Variants in STX7 observed in about 807,000 individuals in gnomAD.
The protein encoded by STX7 is syntaxin 7, also known as syntaxin-7.
Under a neutral mutation model 39.6 loss-of-function variants are expected in STX7, and 34 were observed. That is an observed-to-expected ratio of 0.86 (90% CI 0.65 to 1.14). STX7 has a LOEUF of 1.14. STX7 is among the 50% of genes most tolerant of loss of function. STX7 has a pLI of 0.00. For missense variants in STX7, 284 were observed against 310.4 expected, an observed-to-expected ratio of 0.92 and a Z score of 0.64; for synonymous variants, 119 against 99.1, an observed-to-expected ratio of 1.20 and a Z score of -1.19.
At chr6:132,484,619 C>T (rs769610373) in intron 2 of STX7, among the ~76,000 whole-genome samples, 22 of 151,966 alleles carry the variant, frequency 1.4e-4, no homozygotes, top group African/African-American at 3.4e-4. Context: ...CTGTTTTCAA[C>T]GTAAAATAAC....
rs9389000 is a variant in STX7, at chr6:132,477,328, T to C, written c.86-1666A>G. ...GGCTTTATTTTCTTAAGCGTATTGA[T>C]AATACAAACTGTAGTATGGGCATCG... On this transcript the variant is annotated intron_variant, in intron 2 of 9. Transcript: ENST00000367941. Among the ~76,000 whole-genome samples the C allele has an allele frequency of 7.3e-4, 111 of 152,220 alleles. 1 individual carries two copies. The East Asian group carries it at 0.02, about 28-fold the overall frequency.
intron 5 of STX7, 116 bp from the exon 6 acceptor site, chr6:132,470,742 T>C: frequency 1.6e-6 from 1 of 613,032 alleles, no homozygotes; most frequent in Non-Finnish European, 2.9e-6. Flanking sequence ...TACGTGTCTG[T>C]GTGTATGTGT....
At chr6:132,503,693 A>C (rs890111619) in intron 1 of STX7, 105 bp from the exon 2 acceptor site, 2 of 508,266 alleles carry the variant, frequency 3.9e-6, no homozygotes, top group African/African-American at 2.0e-5. Flanking sequence ...TTAATCTAAT[A>C]GAGTTGAAAT....
intron 2 of STX7, among the ~76,000 whole-genome samples, chr6:132,501,943 G>A (rs1227175494): frequency 6.6e-6 from 1 of 151,768 alleles, no homozygotes; most frequent in East Asian, 1.9e-4. Context: ...TGATGCCAGA[G>A]GAGCAAAGCA....
chr6:132,495,875 G>A (rs1775410172), intron 2 of STX7, among the ~76,000 whole-genome samples: 1 of 152,128 alleles, frequency 6.6e-6, no homozygotes. Flanking sequence ...AAGTATACTT[G>A]CAGCATAGGA....
chr6:132,497,722 T>G (rs996050339), intron 2 of STX7, among the ~76,000 whole-genome samples: 4 of 152,226 alleles, frequency 2.6e-5, no homozygotes, highest in Non-Finnish European at 5.9e-5. Context: ...TACTCTGGTT[T>G]ACCTATATGA....
At position 132,456,261 on chromosome 6, in the gene STX7, T is replaced by C. The variant is rs1381055083; in HGVS notation, c.*4497A>G. The C allele has an allele frequency of 6.6e-6, 1 of 152,220 alleles. No homozygotes were observed. Among genetic ancestry groups the C allele is most frequent in the Non-Finnish European group, 1.5e-5 (1 of 68,038 alleles). 9.4% of individuals were successfully genotyped at this position (152,220 alleles called of 1,614,324 possible). On this transcript the variant is annotated 3_prime_UTR_variant, in exon 10 of 10. Coordinates refer to ENST00000367941, the MANE Select transcript of STX7 (RefSeq NM_003569.3). ...AAGAAAATGAAATTCAGTTACTTAGTAAGGAAAACTGGATAAACAGGAGGC... is the reference window on the plus strand; with the variant it reads ...AAGAAAATGAAATTCAGTTACTTAGCAAGGAAAACTGGATAAACAGGAGGC...
At position 132,479,903 on chromosome 6, in the gene STX7, G is replaced by A. The variant is rs115032214; in HGVS notation, c.86-4241C>T. Among the ~76,000 whole-genome samples the A allele has an allele frequency of 5.1e-3, 772 of 152,052 alleles. 5 individuals carry two copies. Among genetic ancestry groups the A allele is most frequent in the African/African-American group, 0.018 (728 of 41,432 alleles). On this transcript the variant is annotated intron_variant, in intron 2 of 9. Transcript: ENST00000367941. ...TATCTTTACAAACACTTTCAATAAC[G>A]TGCTAATTTAAAAATAAAAAGTAAA...
chr6:132,453,529 T>TACACAC lies in STX7; in HGVS notation c.*7223_*7228dup, dbSNP rs915635410. 6.8e-6 allele frequency: 1 copy of TACACAC among 146,496 alleles called. No individual in the cohort carries two copies. The highest frequency in any genetic ancestry group is 2.5e-5 in the African/African-American group (1 of 39,674). The allele number at this position is 146,496 out of a possible 1,614,324, so 9.1% of individuals were successfully genotyped here. A position where few individuals can be genotyped will look rare whatever the true frequency, so the allele number is the denominator to read the frequency against. On this transcript the variant is annotated 3_prime_UTR_variant, in exon 10 of 10. Transcript: ENST00000367941. ...CAAAGGACTAGTATCTAGAAAAAAATACACACACACACACACAGAGGCACA... is the reference window on the plus strand; with the variant it reads ...CAAAGGACTAGTATCTAGAAAAAAATACACACACACACACACACACACAGAGGCACA...
Position 132,459,488 on chromosome 6 carries a change from T to G in STX7, c.*1270A>C, listed in dbSNP as rs1774332920. 6.6e-6 allele frequency: 1 copy of G among 152,200 alleles called. No homozygotes were observed. Among genetic ancestry groups the G allele is most frequent in the Non-Finnish European group, 1.5e-5 (1 of 68,052 alleles). The allele number at this position is 152,200 out of a possible 1,614,324, so 9.4% of individuals were successfully genotyped here. A position where few individuals can be genotyped will look rare whatever the true frequency, so the allele number is the denominator to read the frequency against. On this transcript the variant is annotated 3_prime_UTR_variant, in exon 10 of 10. Transcript: ENST00000367941. The stretch of plus-strand genomic sequence containing the variant: ...GACCTGTGGTCCCACCAGAGCATAG[T>G]CCTCATGAAATAGGCCTAACCAGAT...
chr6:132,486,036 A>G (rs552692715), intron 2 of STX7, among the ~76,000 whole-genome samples: 2 of 152,316 alleles, frequency 1.3e-5, no homozygotes, highest in African/African-American at 4.8e-5. Flanking sequence ...ATAGAGAAAT[A>G]CAATTTATTT....
At position 132,469,934 on chromosome 6, in the gene STX7, T is replaced by C; in HGVS notation, c.537+17A>G. ...TAAGACCAGAGCAGCAGCCCAAGTC[T>C]ACAATGTAAGCCTTACTTCAAGTTG... On this transcript the variant is annotated intron_variant, in intron 7 of 9. Coordinates refer to ENST00000367941, the MANE Select transcript of STX7 (RefSeq NM_003569.3). The C allele has an allele frequency of 6.3e-7, 1 of 1,582,476 alleles. No homozygotes were observed. The highest frequency in any genetic ancestry group is 1.2e-5 in the South Asian group (1 of 86,864).
intron 1 of STX7, among the ~76,000 whole-genome samples, chr6:132,509,004 A>AT (rs1775774087): frequency 1.3e-5 from 2 of 152,068 alleles, no homozygotes; most frequent in Admixed American, 6.6e-5. Flanking sequence ...TGCTAATGTG[A>AT]TTTTTTTACA....
At chr6:132,504,630 C>T (rs756205645) in intron 1 of STX7, among the ~76,000 whole-genome samples, 4 of 152,174 alleles carry the variant, frequency 2.6e-5, no homozygotes, top group Non-Finnish European at 4.4e-5. Flanking sequence ...AAACTAAGCA[C>T]CTGGGAGATG....
rs1292359241 is a variant in STX7 at position 132,453,499 on chromosome 6, T to A, written c.*7259A>T. 6.7e-6 allele frequency: 1 copy of A among 150,188 alleles called. No individual in the cohort carries two copies. The highest frequency in any genetic ancestry group is 1.5e-5 in the Non-Finnish European group (1 of 67,486). The allele number at this position is 150,188 out of a possible 1,614,324, so 9.3% of individuals were successfully genotyped here. ...GGAGGAAATATTTGCAAATCACACATCCAACAAAGGACTAGTATCTAGAAA... is the reference window on the plus strand; with the variant it reads ...GGAGGAAATATTTGCAAATCACACAACCAACAAAGGACTAGTATCTAGAAA... On this transcript the variant is annotated 3_prime_UTR_variant, in exon 10 of 10. Coordinates refer to ENST00000367941, the MANE Select transcript of STX7 (RefSeq NM_003569.3).
intron 7 of STX7, among the ~76,000 whole-genome samples, chr6:132,468,845 T>C (rs1400468444): frequency 1.3e-5 from 2 of 152,224 alleles, no homozygotes; most frequent in Non-Finnish European, 2.9e-5. Flanking sequence ...GTATAAAATA[T>C]TCTTAGCATG....
At chr6:132,463,660 G>A (rs2114354930) in intron 9 of STX7, among the ~76,000 whole-genome samples, 1 of 152,250 alleles carries the variant, frequency 6.6e-6, no homozygotes, top group Non-Finnish European at 1.5e-5. Context: ...ATGGGAAGGA[G>A]GGGCCTATCA....
rs977328954 is a variant in STX7 at position 132,446,826 on chromosome 6, C to G, written c.*13932G>C. 6.6e-6 allele frequency: 1 copy of G among 152,064 alleles called. No homozygotes were observed. The highest frequency in any genetic ancestry group is 2.4e-5 in the African/African-American group (1 of 41,406). The allele number at this position is 152,064 out of a possible 1,614,324, so 9.4% of individuals were successfully genotyped here. On this transcript the variant is annotated 3_prime_UTR_variant, in exon 10 of 10. Coordinates refer to ENST00000367941, the MANE Select transcript of STX7 (RefSeq NM_003569.3). ...TTTTTCCCCATCTCTGAACCAATCT[C>G]TGAGGCAAAAAGAATGCTATTAGGC...
At chr6:132,506,395 T>C (rs1385103570) in intron 1 of STX7, among the ~76,000 whole-genome samples, 1 of 151,152 alleles carries the variant, frequency 6.6e-6, no homozygotes, top group African/African-American at 2.4e-5. Flanking sequence ...CTCAAACAAC[T>C]CAACAAAAAA....
Sources: gnomAD v4.1 joint callset for allele counts (sites outside exome capture counted in the v4.1 genomes callset) on GRCh38, gnomAD v4.1.1 for gene constraint, MANE v1.5 for transcripts, NCBI Gene and HGNC (gene_info 2026-07-23, HGNC 2026-07-21) for gene names.